Variants in PDE1A observed in about 807,000 individuals in gnomAD.
The protein encoded by PDE1A is phosphodiesterase 1A.
A neutral mutation model predicts 61.7 loss-of-function variants in PDE1A; 35 were observed. The ratio of observed to expected loss-of-function variants is 0.57; its 90% CI spans 0.43 to 0.75. PDE1A has a LOEUF of 0.75. PDE1A is among the 30% of genes least tolerant of loss of function. The probability of loss-of-function intolerance (pLI) is 0.00; values close to 1 mark genes in which losing one functional copy is unlikely to be tolerated. For missense variants in PDE1A, 597 were observed against 630.6 expected, an observed-to-expected ratio of 0.95 and a Z score of 0.57; for synonymous variants, 232 against 213.2, an observed-to-expected ratio of 1.09 and a Z score of -0.77.
the PDE1A span, among the ~76,000 whole-genome samples, chr2:182,611,771 ATTTGAAAGCAAAAGAATTGC>A: frequency 5.9e-5 from 9 of 152,234 alleles, no homozygotes; most frequent in African/African-American, 2.2e-4. Context: ...AATCATGTCT[ATTTGAAAGCAAAAGAATTGC>A]AAAGCACAAA....
intron 1 of PDE1A, among the ~76,000 whole-genome samples, chr2:182,384,410 A>G (rs1700906064): frequency 1.3e-5 from 2 of 151,226 alleles, no homozygotes; most frequent in African/African-American, 4.9e-5. Flanking sequence ...TGATTCAACA[A>G]AATGAGAAAA....
intron 2 of PDE1A, among the ~76,000 whole-genome samples, chr2:182,459,055 A>G (rs1180052134): frequency 1.3e-5 from 2 of 152,130 alleles, no homozygotes; most frequent in Non-Finnish European, 2.9e-5. Context: ...GCCATAACTC[A>G]TGAAGTATTT....
the PDE1A span, among the ~76,000 whole-genome samples, chr2:182,601,475 G>C: frequency 1.3e-5 from 2 of 152,202 alleles, no homozygotes; most frequent in Admixed American, 6.5e-5. Flanking sequence ...CAGCAATGTG[G>C]TGAGCAAGGG....
intron 6 of PDE1A, among the ~76,000 whole-genome samples, chr2:182,226,817 G>T (rs1308202891): frequency 1.4e-5 from 2 of 140,138 alleles, no homozygotes; most frequent in East Asian, 1.9e-4. Flanking sequence ...AAATGCTCAG[G>T]TTGGCTTACT....
intron 1 of PDE1A, among the ~76,000 whole-genome samples, chr2:182,360,157 T>C (rs956745843): frequency 6.6e-6 from 1 of 152,138 alleles, no homozygotes; most frequent in African/African-American, 2.4e-5. Flanking sequence ...TTAACATAGA[T>C]ACGACTTCTG....
the PDE1A span, among the ~76,000 whole-genome samples, chr2:182,687,257 A>G: frequency 7.1e-3 from 1,086 of 152,256 alleles, 4 homozygotes; most frequent in Non-Finnish European, 0.013. Context: ...CCTGACCCCC[A>G]AGTAGCCTTT....
intron 1 of PDE1A, among the ~76,000 whole-genome samples, chr2:182,344,488 G>A (rs879106607): frequency 6.6e-6 from 1 of 152,032 alleles, no homozygotes; most frequent in Non-Finnish European, 1.5e-5. Flanking sequence ...CAATCACTCA[G>A]AGCAGAGCAT....
At chr2:182,246,136 A>G (rs1458602218) in intron 2 of PDE1A, among the ~76,000 whole-genome samples, 1 of 152,220 alleles carries the variant, frequency 6.6e-6, no homozygotes. Context: ...CTAAGTCTCC[A>G]ACCTCACCTT....
intron 1 of PDE1A, among the ~76,000 whole-genome samples, chr2:182,398,289 C>T (rs1701819513): frequency 6.6e-6 from 1 of 151,734 alleles, no homozygotes; most frequent in Non-Finnish European, 1.5e-5. Context: ...AATTACAACG[C>T]AAACTGTCAA....
At chr2:182,657,920 C>T in the PDE1A span, among the ~76,000 whole-genome samples, 7 of 151,844 alleles carry the variant, frequency 4.6e-5, no homozygotes, top group Non-Finnish European at 1.0e-4. Context: ...TTATTTAAGA[C>T]TACTCAGCCT....
chr2:182,598,744 C>T, the PDE1A span, among the ~76,000 whole-genome samples: 1 of 152,166 alleles, frequency 6.6e-6, no homozygotes, highest in Non-Finnish European at 1.5e-5. Flanking sequence ...CACTAAGCTC[C>T]TGCACCACTG....
chr2:182,558,066 AT>A, the PDE1A span, among the ~76,000 whole-genome samples: 4 of 152,196 alleles, frequency 2.6e-5, no homozygotes, highest in African/African-American at 9.6e-5. Flanking sequence ...AGCTCTTCAT[AT>A]TCTTATAACA....
intron 1 of PDE1A, among the ~76,000 whole-genome samples, chr2:182,392,106 G>A (rs1048096506): frequency 6.6e-6 from 1 of 152,128 alleles, no homozygotes; most frequent in Non-Finnish European, 1.5e-5. Flanking sequence ...TTACTAGGGT[G>A]TATCAGTCCA....
intron 1 of PDE1A, among the ~76,000 whole-genome samples, chr2:182,355,065 A>G (rs1387192422): frequency 6.6e-6 from 1 of 152,078 alleles, no homozygotes; most frequent in African/African-American, 2.4e-5. Context: ...TTCCCCTGAT[A>G]CAATAAGAGA....
Position 182,298,952 on chromosome 2 carries a change from A to G in PDE1A, c.54-34538T>C, listed in dbSNP as rs560857276. On this transcript the variant is annotated intron_variant, in intron 1 of 13. Coordinates refer to ENST00000351439, the Ensembl canonical transcript of PDE1A. ...GCTGAAAAAGCTAGTATTTGACTAC[A>G]ACGGAAATTTACAATCTCTCAGCCA... is the stretch of plus-strand genomic sequence containing the variant. 1.8e-3 allele frequency among the ~76,000 whole-genome samples: 271 copies of G among 152,224 alleles called. 1 individual carries two copies. Among genetic ancestry groups the G allele is most frequent in the African/African-American group, 6.4e-3 (264 of 41,556 alleles).
At chr2:182,475,661 CAA>C (rs942825621) in intron 2 of PDE1A, among the ~76,000 whole-genome samples, 2 of 152,062 alleles carry the variant, frequency 1.3e-5, no homozygotes, top group Admixed American at 1.3e-4. Flanking sequence ...TTAAGGACCA[CAA>C]AACACTTCTC....
chr2:182,395,495 G>A (rs920289046), intron 1 of PDE1A, among the ~76,000 whole-genome samples: 8 of 152,154 alleles, frequency 5.3e-5, no homozygotes, highest in Non-Finnish European at 1.0e-4. Flanking sequence ...TGTGGGGCAC[G>A]TTGAGATATT....
At chr2:182,460,479 T>A (rs957353616) in intron 2 of PDE1A, among the ~76,000 whole-genome samples, 1 of 152,164 alleles carries the variant, frequency 6.6e-6, no homozygotes, top group African/African-American at 2.4e-5. Context: ...GCTCAAAGAA[T>A]CCTCCTGCTT....
At chr2:182,581,934 T>C in the PDE1A span, among the ~76,000 whole-genome samples, 1 of 152,154 alleles carries the variant, frequency 6.6e-6, no homozygotes, top group Admixed American at 6.5e-5. Flanking sequence ...TATGCGTTTT[T>C]AAAATACAAT....
Sources: gnomAD v4.1 joint callset for allele counts (sites outside exome capture counted in the v4.1 genomes callset) on GRCh38, gnomAD v4.1.1 for gene constraint, MANE v1.5 for transcripts, NCBI Gene and HGNC (gene_info 2026-07-23, HGNC 2026-07-21) for gene names.